The following RYR3 variants were observed in gnomAD, a reference collection of about 807,000 sequenced individuals.
RYR3 encodes brain ryanodine receptor-calcium release channel.
A neutral mutation model predicts 584.3 loss-of-function variants in RYR3; 207 were observed. That is an observed-to-expected ratio of 0.35 (90% CI 0.32 to 0.40). The LOEUF is 0.40. RYR3 is among the 10% of genes least tolerant of loss of function. RYR3 has a pLI of 1.00. For synonymous variants in RYR3, 2,416 were observed against 2,248.5 expected (o/e 1.07, Z -2.11); for missense variants, 5,616 against 6,089.2 (o/e 0.92, Z 2.59).
At chr15:33,454,638 A>C (rs969082926) in intron 1 of RYR3, among the ~76,000 whole-genome samples, 2 of 152,326 alleles carry the variant, frequency 1.3e-5, no homozygotes, top group South Asian at 2.1e-4. Flanking sequence ...TGCAGGGAGC[A>C]CTATGGATGC....
At chr15:33,522,520 A>C (rs2140977062) in intron 3 of RYR3, among the ~76,000 whole-genome samples, 1 of 152,308 alleles carries the variant, frequency 6.6e-6, no homozygotes, top group South Asian at 2.1e-4. Flanking sequence ...TTATGAGTTG[A>C]AAATCAAGGT....
chr15:33,558,042 C>G (rs926055310), intron 10 of RYR3, among the ~76,000 whole-genome samples: 1 of 152,134 alleles, frequency 6.6e-6, no homozygotes, highest in Non-Finnish European at 1.5e-5. Flanking sequence ...TTTTAAGCAT[C>G]GTATGAAATG....
Position 33,541,748 on chromosome 15 carries a change from A to G in RYR3, c.646+858A>G, listed in dbSNP as rs1444820850. Among the ~76,000 whole-genome samples, 3 of 152,216 alleles carry G rather than the reference A, an allele frequency of 2.0e-5. No homozygotes were observed. The East Asian group carries it at 5.8e-4, about 29-fold the overall frequency. On this transcript the variant is annotated intron_variant, in intron 7 of 103. Transcript: ENST00000634891. ...ATACCCCAGTTTCAGAATGCATGAT[A>G]GCTAAACTGAAGACTCAGGAAAAGA...
At chr15:33,355,178 C>A (rs1973796842) in intron 1 of RYR3, among the ~76,000 whole-genome samples, 1 of 114,110 alleles carries the variant, frequency 8.8e-6, no homozygotes, top group Non-Finnish European at 1.8e-5. Context: ...GAGTGAAACT[C>A]CCTCAAAAAA....
chr15:33,782,421 A>G (rs1029188101), intron 65 of RYR3, among the ~76,000 whole-genome samples: 9 of 152,358 alleles, frequency 5.9e-5, no homozygotes, highest in Admixed American at 2.0e-4. Context: ...GGTTGTAATT[A>G]GAGATGACAC....
At chr15:33,572,656 T>TACACACACACAC (rs1189671888) in intron 12 of RYR3, among the ~76,000 whole-genome samples, 40 of 124,456 alleles carry the variant, frequency 3.2e-4, no homozygotes, top group Middle Eastern at 4.7e-3. Context: ...AAAAACTATA[T>TACACACACACAC]ATACACACAC....
chr15:33,328,917 C>A (rs1244217553), intron 1 of RYR3, among the ~76,000 whole-genome samples: 1 of 151,876 alleles, frequency 6.6e-6, no homozygotes, highest in Non-Finnish European at 1.5e-5. Flanking sequence ...TGTATCTCTC[C>A]TTCTTCATTT....
At chr15:33,377,330 T>C (rs1473988471) in intron 1 of RYR3, among the ~76,000 whole-genome samples, 1 of 152,216 alleles carries the variant, frequency 6.6e-6, no homozygotes, top group Non-Finnish European at 1.5e-5. Context: ...CCATCTGATA[T>C]CTGTGCCATC....
At chr15:33,438,664 T>A (rs952892691) in intron 1 of RYR3, among the ~76,000 whole-genome samples, 3 of 152,248 alleles carry the variant, frequency 2.0e-5, no homozygotes, top group African/African-American at 4.8e-5. Context: ...TAGATTAATT[T>A]GAGGATAACG....
intron 2 of RYR3, among the ~76,000 whole-genome samples, chr15:33,498,348 C>T (rs961360119): frequency 3.3e-5 from 5 of 152,100 alleles, no homozygotes; most frequent in African/African-American, 9.7e-5. Flanking sequence ...CATCAGCATT[C>T]GTGATTTTTT....
intron 38 of RYR3, among the ~76,000 whole-genome samples, chr15:33,679,180 C>T (rs1290535838): frequency 7.2e-6 from 1 of 138,304 alleles, no homozygotes; most frequent in Admixed American, 7.2e-5. Flanking sequence ...TAAATCTTCC[C>T]TACTAAATCT....
At chr15:33,726,611 GC>G (rs1410390788) in intron 46 of RYR3, 105 bp downstream of exon 46, 1 of 1,278,236 alleles carries the variant, frequency 7.8e-7, no homozygotes, top group Admixed American at 3.1e-5. Context: ...GACTTGCAGG[GC>G]GGGCTGCACA....
chr15:33,689,855 AG>A (rs2065291364), intron 38 of RYR3, among the ~76,000 whole-genome samples: 1 of 152,192 alleles, frequency 6.6e-6, no homozygotes, highest in African/African-American at 2.4e-5. Context: ...CACATGTGTT[AG>A]TTTCTCCAAC....
chr15:33,746,964 A>T (rs62012644), intron 53 of RYR3, among the ~76,000 whole-genome samples: 71,561 of 151,116 alleles, frequency 0.47, 17,069 homozygotes, highest in East Asian at 0.63. Flanking sequence ...ATGCACCACC[A>T]TGCCCAGCTA....
intron 3 of RYR3, among the ~76,000 whole-genome samples, chr15:33,521,396 A>G (rs1031332621): frequency 3.3e-5 from 5 of 152,148 alleles, no homozygotes; most frequent in African/African-American, 7.2e-5. Flanking sequence ...TGACATGAAC[A>G]AAAAGGAGAT....
At chr15:33,380,874 T>G (rs1437860120) in intron 1 of RYR3, among the ~76,000 whole-genome samples, 1 of 152,230 alleles carries the variant, frequency 6.6e-6, no homozygotes, top group Non-Finnish European at 1.5e-5. Context: ...CAATCAAGCC[T>G]TTATAGCCAA....
intron 49 of RYR3, among the ~76,000 whole-genome samples, chr15:33,737,948 G>T (rs1269955097): frequency 1.3e-5 from 2 of 152,190 alleles, no homozygotes; most frequent in Admixed American, 1.3e-4. Flanking sequence ...GAGAGGGAGC[G>T]GGCACGGGGA....
intron 38 of RYR3, among the ~76,000 whole-genome samples, chr15:33,694,904 C>T (rs2065725936): frequency 6.6e-6 from 1 of 152,228 alleles, no homozygotes; most frequent in African/African-American, 2.4e-5. Context: ...TAATCCATTA[C>T]ATCTAGGTCT....
At chr15:33,652,419 A>G (rs1212315478) in intron 31 of RYR3, among the ~76,000 whole-genome samples, 3 of 152,094 alleles carry the variant, frequency 2.0e-5, no homozygotes, top group Non-Finnish European at 4.4e-5. Context: ...TGCCGTTCCC[A>G]TGATCTGTTT....
Sources: gnomAD v4.1 joint callset for allele counts (sites outside exome capture counted in the v4.1 genomes callset) on GRCh38, gnomAD v4.1.1 for gene constraint, MANE v1.5 for transcripts, NCBI Gene and HGNC (gene_info 2026-07-23, HGNC 2026-07-21) for gene names.